AGPAT4: variants seen among roughly 807,000 people sequenced by gnomAD.
AGPAT4 encodes the protein 1-acylglycerol-3-phosphate O-acyltransferase 4.
A neutral mutation model predicts 48.0 loss-of-function variants in AGPAT4; 15 were observed. The observed-to-expected ratio is 0.31, with a 90% CI of 0.21 to 0.48. The LOEUF (loss-of-function observed/expected upper bound fraction) is 0.48. Ranked by LOEUF, AGPAT4 falls within the 20% of genes least tolerant of loss-of-function variation. The pLI, the probability that AGPAT4 is intolerant of heterozygous loss-of-function variation, is 0.99. For missense variants in AGPAT4, 314 were observed against 482.5 expected (o/e 0.65, Z 3.27); for synonymous variants, 178 against 198.7 (o/e 0.90, Z 0.88).
rs761976412 is a variant in AGPAT4, at chr6:161,205,737, C to CAATAAT, written c.178+26293_178+26298dup. On this transcript the variant is annotated intron_variant, in intron 2 of 8. Transcript: ENST00000320285. ...AAAAGCCACAGAAAGGTTGAAATTACAATAATAATAATAATAATAATAATA... is the reference window on the plus strand; with the variant it reads ...AAAAGCCACAGAAAGGTTGAAATTACAATAATAATAATAATAATAATAATAATAATA... Among the ~76,000 whole-genome samples, 763 of 145,704 alleles carry CAATAAT rather than the reference C, an allele frequency of 5.2e-3. 5 individuals carry two copies. Among genetic ancestry groups the CAATAAT allele is most frequent in the African/African-American group, 0.018 (720 of 39,514 alleles).
At chr6:161,151,766 C>T (rs977734975) in intron 5 of AGPAT4, among the ~76,000 whole-genome samples, 10 of 152,230 alleles carry the variant, frequency 6.6e-5, no homozygotes, top group African/African-American at 2.4e-4. Flanking sequence ...AGTGAGGTCT[C>T]CTGATCAGGG....
rs1459488006 is a variant in AGPAT4 at position 161,178,117 on chromosome 6, C to T, written c.179-11700G>A. Among the ~76,000 whole-genome samples, 1 of 152,196 alleles carries T rather than the reference C, an allele frequency of 6.6e-6. No individual in the cohort carries two copies. Among genetic ancestry groups the T allele is most frequent in the Non-Finnish European group, 1.5e-5 (1 of 68,040 alleles). On this transcript the variant is annotated intron_variant, in intron 2 of 8. Coordinates refer to ENST00000320285, the MANE Select transcript of AGPAT4 (RefSeq NM_020133.3). The surrounding 1 kb of genome is among the most constrained non-coding windows in gnomAD (Gnocchi z 5.1). Reference sequence around the variant, plus strand: ...GGGGTCAGGGACCCACTTGAGGAGGCAGTCTGTCCATTCTCAGATCTCAAA... The same window carrying T: ...GGGGTCAGGGACCCACTTGAGGAGGTAGTCTGTCCATTCTCAGATCTCAAA...
At position 161,159,054 on chromosome 6, in the gene AGPAT4, G is replaced by C. The variant is rs186710605; in HGVS notation, c.349-4744C>G. 5.3e-5 allele frequency among the ~76,000 whole-genome samples: 8 copies of C among 152,312 alleles called. No homozygotes were observed. The highest frequency in any genetic ancestry group is 1.9e-4 in the African/African-American group (8 of 41,554). ...CTTAAGTGGAACTTCAAAAACAGGT[G>C]AGATGTTCCTTAACAATAAAGCAGG... On this transcript the variant is annotated intron_variant, in intron 3 of 8. Coordinates refer to ENST00000320285, the MANE Select transcript of AGPAT4 (RefSeq NM_020133.3). This position sits in a 1 kb window ranked among gnomAD's most constrained non-coding sequence, Gnocchi z 4.1.
Position 161,144,773 on chromosome 6 carries a change from G to A in AGPAT4, c.843+1751C>T, listed in dbSNP as rs966394111. Among the ~76,000 whole-genome samples, 2 of 152,186 alleles carry A rather than the reference G, an allele frequency of 1.3e-5. No individual in the cohort carries two copies. Among genetic ancestry groups the A allele is most frequent in the African/African-American group, 4.8e-5 (2 of 41,450 alleles). Reference sequence around the variant, plus strand: ...GAGGGCAGATCACAAGACCTTGTGAGATCGAGACCATCCTGGCAAACACGG... The same window carrying A: ...GAGGGCAGATCACAAGACCTTGTGAAATCGAGACCATCCTGGCAAACACGG... On this transcript the variant is annotated intron_variant, in intron 7 of 8. Transcript: ENST00000320285. The surrounding 1 kb of genome is among the most constrained non-coding windows in gnomAD (Gnocchi z 6.6).
rs775169927 is a variant in AGPAT4 at position 161,149,204 on chromosome 6, A to T, written c.750T>A (p.His250Gln). The change falls in exon 6 of 9, where the codon CAT (histidine) becomes CAA (glutamine). Residue 250 changes from histidine (H) to glutamine (Q), a missense_variant. Transcript: ENST00000320285. The surrounding 1 kb of genome is among the most constrained non-coding windows in gnomAD (Gnocchi z 6.5). ...LLGVLNGKKYHADLYVRRIPL... is the reference protein window; with the variant it reads ...LLGVLNGKKYQADLYVRRIPL... ...CGACTTACCTAACATACAAATCTGCATGGTATTTCTTTCCGTTTAGGACTC... is the reference window on the plus strand; with the variant it reads ...CGACTTACCTAACATACAAATCTGCTTGGTATTTCTTTCCGTTTAGGACTC... 6.2e-7 allele frequency: 1 copy of T among 1,612,868 alleles called. No individual in the cohort carries two copies. The highest frequency in any genetic ancestry group is 2.2e-5 in the East Asian group (1 of 44,858).
rs1781797799 is a variant in AGPAT4 at position 161,220,258 on chromosome 6, T to C, written c.178+11778A>G. On this transcript the variant is annotated intron_variant, in intron 2 of 8. Transcript: ENST00000320285. This position sits in a 1 kb window ranked among gnomAD's most constrained non-coding sequence, Gnocchi z 6.0. ...CTAATACCTCCTTCTTTCTCCTAAA[T>C]AAACAAAAATGTGTTGGCATGAAGG... Among the ~76,000 whole-genome samples the C allele has an allele frequency of 6.6e-6, 1 of 152,132 alleles. No individual in the cohort carries two copies. The highest frequency in any genetic ancestry group is 1.5e-5 in the Non-Finnish European group (1 of 68,036).
Position 161,161,337 on chromosome 6 carries a change from C to T in AGPAT4, c.348+4911G>A, listed in dbSNP as rs1042984386. 7 of 456,606 alleles carry T rather than the reference C, an allele frequency of 1.5e-5. No individual in the cohort carries two copies. The highest frequency in any genetic ancestry group is 2.6e-5 in the Non-Finnish European group (6 of 226,986). The allele number at this position is 456,606 out of a possible 1,614,324, so 28.3% of individuals were successfully genotyped here. Reference sequence around the variant, plus strand: ...GTCCCGTGAGCTGCCCACTTCCTGCCCTGGCCAGTGGTTCGCCTGCTACCT... The same window carrying T: ...GTCCCGTGAGCTGCCCACTTCCTGCTCTGGCCAGTGGTTCGCCTGCTACCT... On this transcript the variant is annotated intron_variant, in intron 3 of 8. Coordinates refer to ENST00000320285, the MANE Select transcript of AGPAT4 (RefSeq NM_020133.3). The surrounding 1 kb of genome is among the most constrained non-coding windows in gnomAD (Gnocchi z 4.6).
In AGPAT4 at chr6:161,197,962, A is replaced by G. The variant is rs933576008; in HGVS notation, c.179-31545T>C. Among the ~76,000 whole-genome samples, 4 of 152,152 alleles carry G rather than the reference A, an allele frequency of 2.6e-5. No individual in the cohort carries two copies. Among genetic ancestry groups the G allele is most frequent in the African/African-American group, 9.7e-5 (4 of 41,434 alleles). On this transcript the variant is annotated intron_variant, in intron 2 of 8. Transcript: ENST00000320285. This position sits in a 1 kb window ranked among gnomAD's most constrained non-coding sequence, Gnocchi z 5.7. ...TTCGGGCTGGCAACTTGTTGGTTCT[A>G]TTTTAATAAGTTCCCTTTTTGATAC... is the stretch of plus-strand genomic sequence containing the variant.
chr6:161,138,044 G>A lies in AGPAT4; in HGVS notation c.1042+1378C>T, dbSNP rs1455969914. 6.6e-6 allele frequency among the ~76,000 whole-genome samples: 1 copy of A among 152,242 alleles called. No homozygotes were observed. Among genetic ancestry groups the A allele is most frequent in the Non-Finnish European group, 1.5e-5 (1 of 68,042 alleles). On this transcript the variant is annotated intron_variant, in intron 8 of 8. Transcript: ENST00000320285. This position sits in a 1 kb window ranked among gnomAD's most constrained non-coding sequence, Gnocchi z 4.8. ...GGCGTGGGTGTGTGTGTGCCTTGCT[G>A]TTGCCTGCTATTGAAGCAGAAGGGT...
chr6:161,169,920 C>T lies in AGPAT4; in HGVS notation c.179-3503G>A, dbSNP rs1363419694. Reference sequence around the variant, plus strand: ...GGTCACACATGTTTTTGCTGATCTGCTGATTCACGTCTTCAGCACAAAGCA... The same window carrying T: ...GGTCACACATGTTTTTGCTGATCTGTTGATTCACGTCTTCAGCACAAAGCA... On this transcript the variant is annotated intron_variant, in intron 2 of 8. Coordinates refer to ENST00000320285, the MANE Select transcript of AGPAT4 (RefSeq NM_020133.3). The surrounding 1 kb of genome is among the most constrained non-coding windows in gnomAD (Gnocchi z 5.0). Among the ~76,000 whole-genome samples, 1 of 152,166 alleles carries T rather than the reference C, an allele frequency of 6.6e-6. No individual in the cohort carries two copies. Among genetic ancestry groups the T allele is most frequent in the Non-Finnish European group, 1.5e-5 (1 of 68,022 alleles).
rs1359595772 is a variant in AGPAT4, at chr6:161,223,675, G to A, written c.178+8361C>T. Among the ~76,000 whole-genome samples, 2 of 152,136 alleles carry A rather than the reference G, an allele frequency of 1.3e-5. No homozygotes were observed. The highest frequency in any genetic ancestry group is 2.9e-5 in the Non-Finnish European group (2 of 68,048). On this transcript the variant is annotated intron_variant, in intron 2 of 8. Coordinates refer to ENST00000320285, the MANE Select transcript of AGPAT4 (RefSeq NM_020133.3). This position sits in a 1 kb window ranked among gnomAD's most constrained non-coding sequence, Gnocchi z 6.3. ...TAGCCCCGTGGAGTGGCACCTCAGA[G>A]GCCACAGGTTTGAGAACACATCACT...
At chr6:161,210,150 G>T (rs1321282561) in intron 2 of AGPAT4, among the ~76,000 whole-genome samples, 2 of 152,124 alleles carry the variant, frequency 1.3e-5, no homozygotes, top group Non-Finnish European at 2.9e-5. Context: ...AAGATAGGAA[G>T]TCCCTATCTA....
chr6:161,187,919 C>G (rs958129607), intron 2 of AGPAT4, among the ~76,000 whole-genome samples: 5 of 152,188 alleles, frequency 3.3e-5, no homozygotes, highest in African/African-American at 1.2e-4. Flanking sequence ...ATTGTAAAAT[C>G]TACATAAGAT....
chr6:161,173,083 G>T (rs1356759418), intron 2 of AGPAT4, among the ~76,000 whole-genome samples: 2 of 152,170 alleles, frequency 1.3e-5, no homozygotes, highest in Non-Finnish European at 2.9e-5. Context: ...TTGCTATTGT[G>T]AATAGTGCCA....
rs1779259062 is a variant in AGPAT4 at position 161,141,792 on chromosome 6, T to C, written c.844-2172A>G. 6.6e-6 allele frequency among the ~76,000 whole-genome samples: 1 copy of C among 152,232 alleles called. No homozygotes were observed. The highest frequency in any genetic ancestry group is 2.4e-5 in the African/African-American group (1 of 41,464). On this transcript the variant is annotated intron_variant, in intron 7 of 8. Transcript: ENST00000320285. This position sits in a 1 kb window ranked among gnomAD's most constrained non-coding sequence, Gnocchi z 6.7. ...GACATTTGCTAGGCCAAGATTGTTT[T>C]ATTTGCACCTCTAGCAAGAAGAAAA...
chr6:161,145,509 C>G (rs916365530), intron 7 of AGPAT4, among the ~76,000 whole-genome samples: 3 of 151,588 alleles, frequency 2.0e-5, no homozygotes, highest in African/African-American at 7.3e-5. Flanking sequence ...CTTACAAGAG[C>G]TTCTCTGCTA....
rs549583044 is a variant in AGPAT4 at position 161,177,606 on chromosome 6, G to A, written c.179-11189C>T. Among the ~76,000 whole-genome samples, 23 of 152,150 alleles carry A rather than the reference G, an allele frequency of 1.5e-4. No individual in the cohort carries two copies. The highest frequency in any genetic ancestry group is 5.1e-4 in the African/African-American group (21 of 41,530). ...TGGTTCAAACATCCTCCTTTAGCTC[G>A]GAGAAGTTTGTTATTACTGATCGTC... On this transcript the variant is annotated intron_variant, in intron 2 of 8. Coordinates refer to ENST00000320285, the MANE Select transcript of AGPAT4 (RefSeq NM_020133.3). This position sits in a 1 kb window ranked among gnomAD's most constrained non-coding sequence, Gnocchi z 5.0.
rs75484290 is a variant in AGPAT4, at chr6:161,217,293, C to G, written c.178+14743G>C. 0.01 allele frequency among the ~76,000 whole-genome samples: 1,598 copies of G among 152,286 alleles called. 21 individuals are homozygous for G. The highest frequency in any genetic ancestry group is 0.041 in the Middle Eastern group (12 of 294). On this transcript the variant is annotated intron_variant, in intron 2 of 8. Coordinates refer to ENST00000320285, the MANE Select transcript of AGPAT4 (RefSeq NM_020133.3). This position sits in a 1 kb window ranked among gnomAD's most constrained non-coding sequence, Gnocchi z 4.9. ...ACTGGGCTCCCATCAATGCCTGGTA[C>G]ATGGTAACAGAAGGTGCTCAATAGA...
Position 161,165,251 on chromosome 6 carries a change from C to T in AGPAT4, c.348+997G>A, listed in dbSNP as rs1214672441. 6.6e-6 allele frequency among the ~76,000 whole-genome samples: 1 copy of T among 152,164 alleles called. No individual in the cohort carries two copies. The highest frequency in any genetic ancestry group is 6.5e-5 in the Admixed American group (1 of 15,282). ...TACACACAAGAAGATATCAAGTTAG[C>T]ACTGGGAGAATAAATAGGAAAACAA... On this transcript the variant is annotated intron_variant, in intron 3 of 8. Transcript: ENST00000320285. This position sits in a 1 kb window ranked among gnomAD's most constrained non-coding sequence, Gnocchi z 5.5.
Sources: allele counts gnomAD v4.1 joint callset (sites outside exome capture counted in the v4.1 genomes callset), GRCh38; gene constraint gnomAD v4.1.1; non-coding constraint Gnocchi (gnomAD v3.1); transcripts MANE v1.5; gene names NCBI Gene and HGNC (gene_info 2026-07-23, HGNC 2026-07-21).